The following HS2ST1 variants were observed in gnomAD, a reference collection of about 807,000 sequenced individuals.
HS2ST1 encodes the protein heparan sulfate 2-O-sulfotransferase 1.
Under a neutral mutation model 42.9 loss-of-function variants are expected in HS2ST1, and 18 were observed. That is an observed-to-expected ratio of 0.42 (90% CI 0.29 to 0.62). The LOEUF (loss-of-function observed/expected upper bound fraction) is 0.62, where lower values mean the gene tolerates loss of function less well. Among genes scored for constraint, HS2ST1 ranks in the 20% least tolerant of loss-of-function variants. HS2ST1 has a pLI of 0.21. For missense variants in HS2ST1, 334 were observed against 433.8 expected (o/e 0.77, Z 2.04); for synonymous variants, 146 against 152.9 (o/e 0.95, Z 0.33).
chr1:86,934,584 G>GAGC (rs1660605052), intron 1 of HS2ST1: 1 of 152,276 alleles, frequency 6.6e-6, no homozygotes. Flanking sequence ...CCAGTTTTGG[G>GAGC]AGCAGCAGTT....
chr1:87,061,318 T>C (rs1651115548), intron 1 of HS2ST1, among the ~76,000 whole-genome samples: 1 of 152,090 alleles, frequency 6.6e-6, no homozygotes, highest in South Asian at 2.1e-4. Flanking sequence ...ACATTCACAA[T>C]ATTGTACAAG....
intron 3 of HS2ST1, among the ~76,000 whole-genome samples, chr1:87,086,053 A>T (rs1415927135): frequency 6.6e-6 from 1 of 152,158 alleles, no homozygotes; most frequent in Admixed American, 6.6e-5. Context: ...ATGTATTTTG[A>T]TGTATCTATG....
chr1:87,080,111 C>T (rs1163753158), intron 2 of HS2ST1, among the ~76,000 whole-genome samples: 1 of 152,070 alleles, frequency 6.6e-6, no homozygotes, highest in African/African-American at 2.4e-5. Context: ...CCTGAATTTA[C>T]CTCAGATAGC....
At chr1:87,045,674 T>C (rs1409039758) in intron 1 of HS2ST1, 1 of 777,400 alleles carries the variant, frequency 1.3e-6, no homozygotes, top group Non-Finnish European at 2.4e-6. Context: ...CAGCAATCAC[T>C]GCATTAGTAG....
intron 1 of HS2ST1, among the ~76,000 whole-genome samples, chr1:87,001,676 C>T (rs1232129536): frequency 6.6e-6 from 1 of 152,194 alleles, no homozygotes; most frequent in Non-Finnish European, 1.5e-5. Context: ...TGCAATGGCA[C>T]GATCTTGGCT....
chr1:87,047,186 T>C (rs1650702731), intron 1 of HS2ST1, among the ~76,000 whole-genome samples: 1 of 152,190 alleles, frequency 6.6e-6, no homozygotes, highest in Non-Finnish European at 1.5e-5. Context: ...ATTGTAGTTT[T>C]CCTTTTATTT....
intron 1 of HS2ST1, among the ~76,000 whole-genome samples, chr1:86,975,539 A>G (rs974837093): frequency 3.3e-5 from 5 of 152,168 alleles, no homozygotes; most frequent in Non-Finnish European, 7.4e-5. Flanking sequence ...TCTAAATGAG[A>G]CTGCTTAAAG....
intron 1 of HS2ST1, among the ~76,000 whole-genome samples, chr1:86,989,021 A>C (rs755653422): frequency 2.0e-5 from 3 of 152,242 alleles, no homozygotes; most frequent in Non-Finnish European, 2.9e-5. Flanking sequence ...ATGTGATCTT[A>C]ATGGTAAGAG....
intron 1 of HS2ST1, among the ~76,000 whole-genome samples, chr1:87,006,090 T>A (rs1649431443): frequency 1.3e-5 from 2 of 152,122 alleles, no homozygotes; most frequent in African/African-American, 4.8e-5. Context: ...AATTAAAAAA[T>A]TTTTGTGAAA....
intron 1 of HS2ST1, chr1:87,045,545 A>T: frequency 2.5e-6 from 2 of 806,358 alleles, no homozygotes; most frequent in South Asian, 2.7e-5. Context: ...GGTTGGGAGG[A>T]TCCAGTGCAC....
chr1:87,004,172 C>G (rs1649369794), intron 1 of HS2ST1, among the ~76,000 whole-genome samples: 1 of 152,090 alleles, frequency 6.6e-6, no homozygotes, highest in Admixed American at 6.6e-5. Context: ...GGGCGGATCA[C>G]CTGAGGTCAG....
intron 1 of HS2ST1, among the ~76,000 whole-genome samples, chr1:86,926,688 G>A (rs1570426031): frequency 6.6e-6 from 1 of 152,206 alleles, no homozygotes; most frequent in Middle Eastern, 3.4e-3. Context: ...TTGACTGAGG[G>A]GAAAGTAGTG....
rs1652305906 is a variant in HS2ST1, at chr1:87,105,377, G to C, written c.*681G>C. 2 of 152,386 alleles carry C rather than the reference G, an allele frequency of 1.3e-5. No homozygotes were observed. Among genetic ancestry groups the C allele is most frequent in the Admixed American group, 1.3e-4 (2 of 15,248 alleles). The allele number at this position is 152,386 out of a possible 1,614,324, so 9.4% of individuals were successfully genotyped here. A position where few individuals can be genotyped will look rare whatever the true frequency, so the allele number is the denominator to read the frequency against. Reference sequence around the variant, plus strand: ...CCTGCCTCCTCAATATCTAATACTGGGAAGATACTTCAAAGAATATTGAGA... The same window carrying C: ...CCTGCCTCCTCAATATCTAATACTGCGAAGATACTTCAAAGAATATTGAGA... On this transcript the variant is annotated 3_prime_UTR_variant, in exon 7 of 7. Coordinates refer to ENST00000370550, the MANE Select transcript of HS2ST1 (RefSeq NM_012262.4).
At chr1:87,098,990 C>G (rs531622352) in intron 5 of HS2ST1, among the ~76,000 whole-genome samples, 64 of 152,274 alleles carry the variant, frequency 4.2e-4, no homozygotes, top group South Asian at 6.2e-4. Context: ...GTTGGCCAGG[C>G]TGGTCTCGAA....
chr1:86,941,699 C>T (rs902628732), intron 1 of HS2ST1, among the ~76,000 whole-genome samples: 16 of 151,802 alleles, frequency 1.1e-4, no homozygotes, highest in African/African-American at 3.6e-4. Flanking sequence ...GGCTTGAACC[C>T]GGGAGACGGA....
In HS2ST1 at chr1:86,950,569, AATTT is replaced by A. The variant is rs547532904; in HGVS notation, c.124+35413_124+35416del. Among the ~76,000 whole-genome samples the A allele has an allele frequency of 3.9e-4, 60 of 152,300 alleles. 1 individual carries two copies. In the South Asian group the frequency reaches 0.01, roughly 26 times the overall value. Reference sequence around the variant, plus strand: ...ATGAATATTAAATTTTCTGAGTGATAATTTATTCTGATTACATAGGAAAATACTC... The same window carrying A: ...ATGAATATTAAATTTTCTGAGTGATAATTCTGATTACATAGGAAAATACTC... On this transcript the variant is annotated intron_variant, in intron 1 of 6. Coordinates refer to ENST00000370550, the MANE Select transcript of HS2ST1 (RefSeq NM_012262.4).
At chr1:86,924,620 A>G (rs1267023821) in intron 1 of HS2ST1, among the ~76,000 whole-genome samples, 2 of 152,172 alleles carry the variant, frequency 1.3e-5, no homozygotes, top group Admixed American at 6.5e-5. Flanking sequence ...ACCATGTGGA[A>G]GCTGCCAAGG....
intron 1 of HS2ST1, among the ~76,000 whole-genome samples, chr1:86,954,730 G>T (rs2102190490): frequency 6.6e-6 from 1 of 152,266 alleles, no homozygotes; most frequent in South Asian, 2.1e-4. Context: ...CTGAATCTCA[G>T]TGGGGAAAAA....
chr1:87,045,936 G>A (rs1452717856), intron 1 of HS2ST1: 11 of 707,166 alleles, frequency 1.6e-5, no homozygotes, highest in Non-Finnish European at 2.6e-5. Context: ...TGATTGATCT[G>A]GTTACTATTG....
Sources: gnomAD v4.1 joint callset for allele counts (sites outside exome capture counted in the v4.1 genomes callset) on GRCh38, gnomAD v4.1.1 for gene constraint, MANE v1.5 for transcripts, NCBI Gene and HGNC (gene_info 2026-07-23, HGNC 2026-07-21) for gene names.